Variants in JCAD observed in about 807,000 individuals in gnomAD.
The protein encoded by JCAD is junctional cadherin 5 associated, also known as junctional cadherin 5-associated protein.
In JCAD, 40 loss-of-function variants were observed where a neutral mutation model predicts 98.0. The observed-to-expected ratio is 0.41, with a 90% CI of 0.32 to 0.53. JCAD has a LOEUF of 0.53. Among genes scored for constraint, JCAD ranks in the 20% least tolerant of loss-of-function variants. The probability of loss-of-function intolerance (pLI) is 0.31; values close to 1 mark genes in which losing one functional copy is unlikely to be tolerated. For missense variants in JCAD, 1,705 were observed against 1,738.1 expected (o/e 0.98, Z 0.34); for synonymous variants, 691 against 682.3 (o/e 1.01, Z -0.20).
chr10:30,020,902 T>C (rs1836648283), intron 3 of JCAD, among the ~76,000 whole-genome samples: 2 of 152,226 alleles, frequency 1.3e-5, no homozygotes, highest in Admixed American at 1.3e-4. Flanking sequence ...GCTTAGTTTC[T>C]TCCAGGCTAA....
chr10:30,112,821 A>G (rs959567881), intron 1 of JCAD, among the ~76,000 whole-genome samples: 2 of 151,470 alleles, frequency 1.3e-5, no homozygotes, highest in Non-Finnish European at 2.9e-5. Flanking sequence ...GCAGTGAGCC[A>G]AGATTGTACC....
upstream of JCAD, among the ~76,000 whole-genome samples, chr10:30,063,888 A>G (rs1589701919): frequency 6.6e-6 from 1 of 151,516 alleles, no homozygotes; most frequent in South Asian, 2.1e-4. Context: ...GCTTACTGCA[A>G]CCTCCGCGTC....
intron 2 of JCAD, among the ~76,000 whole-genome samples, chr10:30,037,472 C>T (rs1301054323): frequency 2.6e-5 from 4 of 152,104 alleles, no homozygotes; most frequent in Non-Finnish European, 4.4e-5. Context: ...TTGTAGGTTG[C>T]GCTGGCAGAA....
At chr10:30,042,751 C>T (rs1010236861) in intron 2 of JCAD, among the ~76,000 whole-genome samples, 2 of 152,100 alleles carry the variant, frequency 1.3e-5, no homozygotes, top group South Asian at 2.1e-4. Flanking sequence ...ATGAATGGTC[C>T]GTGAATCTCT....
At chr10:30,070,351 C>G (rs1837862475) in intron 1 of JCAD, among the ~76,000 whole-genome samples, 1 of 152,138 alleles carries the variant, frequency 6.6e-6, no homozygotes, top group Non-Finnish European at 1.5e-5. Flanking sequence ...TTTTCCCAGT[C>G]AGCGCTGATA....
intron 1 of JCAD, among the ~76,000 whole-genome samples, chr10:30,090,869 C>T (rs925839433): frequency 6.6e-6 from 1 of 152,116 alleles, no homozygotes; most frequent in African/African-American, 2.4e-5. Flanking sequence ...GAACCGGAGC[C>T]AAACCCCACG....
chr10:30,036,468 A>C (rs969976060), intron 2 of JCAD, among the ~76,000 whole-genome samples: 6 of 151,998 alleles, frequency 3.9e-5, no homozygotes, highest in Non-Finnish European at 8.8e-5. Context: ...AAAAAACAAA[A>C]AAAATGCAAC....
intron 1 of JCAD, among the ~76,000 whole-genome samples, chr10:30,092,064 A>AATATATATATATATATATAT (rs1272095459): frequency 1.1e-4 from 2 of 19,018 alleles, no homozygotes; most frequent in African/African-American, 2.3e-4. Flanking sequence ...AAAAAAAAAA[A>AATATATATATATATATATAT]ATATATATAT....
chr10:30,062,248 T>A (rs936260401), upstream of JCAD, among the ~76,000 whole-genome samples: 5 of 152,234 alleles, frequency 3.3e-5, no homozygotes, highest in African/African-American at 1.2e-4. Context: ...CTAGAGAAGA[T>A]GACTTCACAA....
chr10:30,113,822 G>A (rs2132724070), intron 1 of JCAD, among the ~76,000 whole-genome samples: 1 of 152,176 alleles, frequency 6.6e-6, no homozygotes. Flanking sequence ...TTGAATACTT[G>A]AACACCCTTT....
At chr10:30,031,438 A>ATTTTTTT (rs34213034) in intron 2 of JCAD, among the ~76,000 whole-genome samples, 5 of 97,076 alleles carry the variant, frequency 5.2e-5, no homozygotes, top group Non-Finnish European at 8.1e-5. Context: ...GCCCATCTGT[A>ATTTTTTT]TTTTTTTTTT....
intron 1 of JCAD, among the ~76,000 whole-genome samples, chr10:30,081,833 A>T (rs1315327944): frequency 6.6e-6 from 1 of 152,202 alleles, no homozygotes; most frequent in Non-Finnish European, 1.5e-5. Context: ...CCCTAAAGGG[A>T]TCACTCACGT....
chr10:30,023,295 C>T (rs1836704877), intron 3 of JCAD, among the ~76,000 whole-genome samples: 1 of 152,188 alleles, frequency 6.6e-6, no homozygotes, highest in African/African-American at 2.4e-5. Flanking sequence ...ACCTCAGCCT[C>T]CCAAAGTGCT....
intron 1 of JCAD, among the ~76,000 whole-genome samples, chr10:30,082,566 A>C (rs372721744): frequency 2.0e-5 from 3 of 152,086 alleles, no homozygotes; most frequent in African/African-American, 7.2e-5. Context: ...ACATAAAAAA[A>C]TTAGGCCAGG....
chr10:30,055,634 C>G (rs1589697413), intron 1 of JCAD, among the ~76,000 whole-genome samples: 1 of 152,206 alleles, frequency 6.6e-6, no homozygotes, highest in South Asian at 2.1e-4. Flanking sequence ...CCAAGGCAGT[C>G]AAGTTGTTAA....
chr10:30,076,016 G>T (rs186238891), intron 1 of JCAD, among the ~76,000 whole-genome samples: 2 of 151,892 alleles, frequency 1.3e-5, no homozygotes, highest in East Asian at 3.9e-4. Context: ...TGTAAATATG[G>T]TTCAAACAGG....
intron 1 of JCAD, among the ~76,000 whole-genome samples, chr10:30,086,370 A>G (rs894238433): frequency 6.6e-6 from 1 of 152,210 alleles, no homozygotes; most frequent in East Asian, 1.9e-4. Context: ...GATAGAAGCT[A>G]CTACTGAGTT....
chr10:30,097,978 T>G (rs975962380), intron 1 of JCAD, among the ~76,000 whole-genome samples: 1 of 151,952 alleles, frequency 6.6e-6, no homozygotes, highest in African/African-American at 2.4e-5. Flanking sequence ...AGAGGGAAAA[T>G]GAGCAACCCT....
intron 1 of JCAD, among the ~76,000 whole-genome samples, chr10:30,107,801 A>G (rs1480981670): frequency 6.6e-6 from 1 of 152,154 alleles, no homozygotes; most frequent in Non-Finnish European, 1.5e-5. Context: ...CGGAAAACAC[A>G]TTATCCAAGG....
Sources: allele counts gnomAD v4.1 joint callset (sites outside exome capture counted in the v4.1 genomes callset), GRCh38; gene constraint gnomAD v4.1.1; transcripts MANE v1.5; gene names NCBI Gene and HGNC (gene_info 2026-07-23, HGNC 2026-07-21).